DNAH12: variants seen among roughly 807,000 people sequenced by gnomAD.
The protein encoded by DNAH12 is dynein axonemal heavy chain 12.
Under a neutral mutation model 371.5 loss-of-function variants are expected in DNAH12, and 285 were observed. That is an observed-to-expected ratio of 0.77 (90% CI 0.70 to 0.85). The LOEUF is 0.85. Among genes scored for constraint, DNAH12 ranks in the 40% least tolerant of loss-of-function variants. The pLI is 0.00. For missense variants in DNAH12, 3,611 were observed against 3,689.4 expected, an observed-to-expected ratio of 0.98 and a Z score of 0.55; for synonymous variants, 1,200 against 1,213.0, an observed-to-expected ratio of 0.99 and a Z score of 0.22.
In DNAH12 at chr3:57,449,812, G is replaced by A. The variant is rs190125407; in HGVS notation, c.3786+3031C>T. Among the ~76,000 whole-genome samples, 1,478 of 152,336 alleles carry A rather than the reference G, an allele frequency of 9.7e-3. 13 individuals are homozygous for A. Among genetic ancestry groups the A allele is most frequent in the Non-Finnish European group, 0.015 (1,020 of 68,028 alleles). The stretch of plus-strand genomic sequence containing the variant: ...GGCTCCCACAGTGCAGCGGCGGGCC[G>A]AAGGGCTCCTCAAGTGCCGCCAAAG... On this transcript the variant is annotated intron_variant, in intron 25 of 73. Coordinates refer to ENST00000495027, the MANE Select transcript of DNAH12 (RefSeq NM_001366028.2).
chr3:57,483,344 C>G (rs1019790134), intron 13 of DNAH12, 32 bp downstream of exon 13: 45 of 1,536,758 alleles, frequency 2.9e-5, no homozygotes, highest in Middle Eastern at 3.3e-4. Flanking sequence ...ACAATGAAAA[C>G]AAACCAAAAT....
At chr3:57,389,718 A>T (rs1193711653) in intron 45 of DNAH12, among the ~76,000 whole-genome samples, 2 of 151,314 alleles carry the variant, frequency 1.3e-5, no homozygotes, top group Non-Finnish European at 2.9e-5. Context: ...GGAATGGCTC[A>T]TACATGGGCT....
chr3:57,309,189 C>T lies in DNAH12; in HGVS notation c.11151G>A (p.Met3717Ile). The T allele has an allele frequency of 6.5e-7, 1 of 1,549,796 alleles. No homozygotes were observed. The highest frequency in any genetic ancestry group is 1.2e-5 in the South Asian group (1 of 83,566). Residue 3717 changes from methionine to isoleucine, a missense_variant, in exon 69 of 74, where the codon ATG (methionine) becomes ATA (isoleucine). Physicochemically the swap from Met to Ile is conservative, Grantham distance 10. This residue lies in a region of DNAH12 where 2,266 missense variants were observed against 2,236.9 expected (regional missense o/e 1.01). Coordinates refer to ENST00000495027, the MANE Select transcript of DNAH12 (RefSeq NM_001366028.2). ...CCATTTCTTGTACTAACACAGTATT[C>T]ATGCTTTCTTCATATCTCACAGGAT... Reference protein sequence around the residue: ...RKYPVRYEESMNTVLVQEMER... With the variant: ...RKYPVRYEESINTVLVQEMER...
chr3:57,315,169 G>A (rs987020986), intron 65 of DNAH12, among the ~76,000 whole-genome samples: 1 of 152,028 alleles, frequency 6.6e-6, no homozygotes. Context: ...CTGTGTCAGT[G>A]TTCCAGAGGA....
intron 13 of DNAH12, among the ~76,000 whole-genome samples, chr3:57,478,909 G>C (rs527408887): frequency 1.7e-4 from 26 of 152,218 alleles, no homozygotes; most frequent in African/African-American, 5.3e-4. Context: ...TGCCCTAAAA[G>C]AGCTCCTGAA....
At chr3:57,324,236 G>A (rs1047249072) in intron 62 of DNAH12, among the ~76,000 whole-genome samples, 3 of 152,142 alleles carry the variant, frequency 2.0e-5, no homozygotes, top group African/African-American at 7.2e-5. Flanking sequence ...TGTTAGGAGA[G>A]AGAGAAATTA....
Position 57,478,903 on chromosome 3 carries a change from C to T in DNAH12, c.1650+4473G>A, listed in dbSNP as rs545037088. Among the ~76,000 whole-genome samples the T allele has an allele frequency of 2.6e-5, 4 of 152,170 alleles. No individual in the cohort carries two copies. The South Asian group carries it at 6.3e-4, about 24-fold the overall frequency. On this transcript the variant is annotated intron_variant, in intron 13 of 73. Coordinates refer to ENST00000495027, the MANE Select transcript of DNAH12 (RefSeq NM_001366028.2). The stretch of plus-strand genomic sequence containing the variant: ...AGATTTTGTCACCACCAGGCCTGCC[C>T]TAAAAGAGCTCCTGAAGGAAGCGCT...
intron 13 of DNAH12, among the ~76,000 whole-genome samples, chr3:57,475,651 T>C (rs189986329): frequency 6.6e-6 from 1 of 152,274 alleles, no homozygotes; most frequent in Admixed American, 6.5e-5. Context: ...GTACTATCAT[T>C]TCACAAAAGA....
At chr3:57,396,285 A>AC in intron 43 of DNAH12, among the ~76,000 whole-genome samples, 3 of 74,204 alleles carry the variant, frequency 4.0e-5, no homozygotes, top group African/African-American at 2.0e-4. Flanking sequence ...TCTCAAAAAA[A>AC]AAAACAAAAA....
chr3:57,316,669 G>T (rs1015443113), intron 65 of DNAH12, among the ~76,000 whole-genome samples: 1 of 152,090 alleles, frequency 6.6e-6, no homozygotes, highest in African/African-American at 2.4e-5. Flanking sequence ...TTGAGGGAGG[G>T]AGGTGACTCA....
intron 65 of DNAH12, among the ~76,000 whole-genome samples, chr3:57,316,132 CCT>C (rs796939026): frequency 0.011 from 1,712 of 149,306 alleles, 25 homozygotes; most frequent in African/African-American, 0.04. Context: ...AACCCCTTCC[CCT>C]TTTTTTTTTT....
chr3:57,297,470 C>A (rs2061255910), intron 70 of DNAH12, among the ~76,000 whole-genome samples: 1 of 151,566 alleles, frequency 6.6e-6, no homozygotes, highest in African/African-American at 2.4e-5. Context: ...ATTCTCCTGT[C>A]TCAGCCTCCT....
At chr3:57,308,708 T>C (rs1169286730) in intron 69 of DNAH12, among the ~76,000 whole-genome samples, 3 of 152,172 alleles carry the variant, frequency 2.0e-5, no homozygotes, top group African/African-American at 7.2e-5. Context: ...ACCGCCACTC[T>C]TAACTCTTAA....
intron 37 of DNAH12, among the ~76,000 whole-genome samples, chr3:57,418,330 A>C (rs1489497567): frequency 6.2e-5 from 8 of 128,236 alleles, no homozygotes; most frequent in Non-Finnish European, 1.1e-4. Context: ...GCTTGAGCTC[A>C]GGTGTTCAAG....
chr3:57,425,623 C>A (rs1228355627), intron 34 of DNAH12, among the ~76,000 whole-genome samples: 1 of 152,178 alleles, frequency 6.6e-6, no homozygotes, highest in Non-Finnish European at 1.5e-5. Flanking sequence ...CATGATAAAA[C>A]ATTTCTCAAA....
In DNAH12 at chr3:57,468,870, T is replaced by C. The variant is rs1183599181; in HGVS notation, c.2215A>G (p.Lys739Glu). The change falls in exon 17 of 74, where the codon AAG becomes GAG. Residue 739 changes from lysine to glutamate, a missense_variant. Around this residue, in one of 3 missense-constraint regions of DNAH12, gnomAD observed 1,314 missense variants for 1,398.7 expected, o/e 0.94. Coordinates refer to ENST00000495027, the MANE Select transcript of DNAH12 (RefSeq NM_001366028.2). The part of the protein sequence containing the change: ...KTLKFFQTKL[K>E]KELQEKRKAA... ...TTTCTTTTTTCTTGTAATTCTTTCT[T>C]TAGCTTCGTTTGGAAAAATTTTAGT... The C allele has an allele frequency of 6.6e-7, 1 of 1,526,428 alleles. No individual in the cohort carries two copies. The highest frequency in any genetic ancestry group is 2.4e-5 in the Admixed American group (1 of 41,420). The allele number at this position is 1,526,428 out of a possible 1,614,324, so 94.6% of individuals were successfully genotyped here.
At chr3:57,471,656 A>T (rs2066373157) in intron 14 of DNAH12, 50 bp from the exon 15 acceptor site, 2 of 1,444,450 alleles carry the variant, frequency 1.4e-6, no homozygotes, top group Non-Finnish European at 1.8e-6. Context: ...ACAAAGAATT[A>T]TCAAGTCAGA....
intron 37 of DNAH12, 31 bp downstream of exon 37, chr3:57,419,336 C>T: frequency 6.8e-7 from 1 of 1,467,660 alleles, no homozygotes; most frequent in East Asian, 2.9e-5. Context: ...CTTTTACATT[C>T]AAAATGCTTG....
intron 11 of DNAH12, among the ~76,000 whole-genome samples, chr3:57,489,896 A>G (rs145590906): frequency 1.3e-5 from 2 of 152,254 alleles, no homozygotes; most frequent in African/African-American, 4.8e-5. Flanking sequence ...AATATCCAAT[A>G]CGATACCATT....
Sources: gnomAD v4.1 joint callset for allele counts (sites outside exome capture counted in the v4.1 genomes callset) on GRCh38, gnomAD v4.1.1 for gene constraint, gnomAD v4.1.1 regional missense constraint, MANE v1.5 for transcripts, NCBI Gene and HGNC (gene_info 2026-07-23, HGNC 2026-07-21) for gene names.